The following THSD7A variants were observed in gnomAD, a reference collection of about 807,000 sequenced individuals.
THSD7A encodes the protein thrombospondin type-1 domain-containing protein 7A.
THSD7A carries 96 observed loss-of-function variants against 231.3 expected under a neutral mutation model. That is an observed-to-expected ratio of 0.41 (90% CI 0.35 to 0.49). THSD7A has a LOEUF of 0.49. Among genes scored for constraint, THSD7A ranks in the 20% least tolerant of loss-of-function variants. THSD7A has a pLI of 0.05. For synonymous variants in THSD7A, 940 were observed against 743.3 expected (o/e 1.26, Z -4.30); for missense variants, 2,290 against 2,070.2 (o/e 1.11, Z -2.06).
intron 1 of THSD7A, among the ~76,000 whole-genome samples, chr7:11,799,560 T>C (rs1298602159): frequency 6.6e-6 from 1 of 152,210 alleles, no homozygotes; most frequent in African/African-American, 2.4e-5. Context: ...AGAGTTTTCA[T>C]CAATCTTCTT....
At chr7:11,426,561 G>A in intron 15 of THSD7A, 105 bp downstream of exon 15, 1 of 1,259,540 alleles carries the variant, frequency 7.9e-7, no homozygotes, top group Non-Finnish European at 1.1e-6. Flanking sequence ...TTTTCTCCCT[G>A]TAAAACATAA....
At chr7:11,697,092 G>A (rs1780427354) in intron 1 of THSD7A, among the ~76,000 whole-genome samples, 1 of 151,390 alleles carries the variant, frequency 6.6e-6, no homozygotes, top group Non-Finnish European at 1.5e-5. Context: ...TTTCCCTAAT[G>A]TAAGATTTAT....
At chr7:11,516,993 A>C (rs1276352974) in intron 6 of THSD7A, among the ~76,000 whole-genome samples, 3 of 152,232 alleles carry the variant, frequency 2.0e-5, no homozygotes, top group Non-Finnish European at 4.4e-5. Flanking sequence ...CTATCAAAAT[A>C]ATTGTATATG....
intron 4 of THSD7A, among the ~76,000 whole-genome samples, chr7:11,544,339 G>A (rs2883564): frequency 0.15 from 22,558 of 150,902 alleles, 1,739 homozygotes; most frequent in Admixed American, 0.17. Context: ...AGACACAGTC[G>A]GAAAAAAAAA....
chr7:11,530,959 T>C (rs1300606197), intron 6 of THSD7A, among the ~76,000 whole-genome samples: 4 of 152,052 alleles, frequency 2.6e-5, no homozygotes, highest in African/African-American at 9.7e-5. Flanking sequence ...TGCAGTGAGC[T>C]GAGATCGTGC....
chr7:11,556,841 T>C (rs1789866325), intron 4 of THSD7A, among the ~76,000 whole-genome samples: 3 of 152,086 alleles, frequency 2.0e-5, no homozygotes, highest in Non-Finnish European at 4.4e-5. Flanking sequence ...CTCAAATTTC[T>C]TTTTCTTGTA....
chr7:11,424,459 TC>T (rs767198264), intron 16 of THSD7A, among the ~76,000 whole-genome samples: 9 of 152,368 alleles, frequency 5.9e-5, no homozygotes, highest in Non-Finnish European at 1.0e-4. Flanking sequence ...AATATGCTGT[TC>T]CTTCTCTTTA....
At chr7:11,479,339 C>G (rs1467974074) in intron 7 of THSD7A, among the ~76,000 whole-genome samples, 2 of 152,168 alleles carry the variant, frequency 1.3e-5, no homozygotes, top group Non-Finnish European at 2.9e-5. Context: ...TCCAGATCTA[C>G]TTTTCGCATG....
intron 1 of THSD7A, among the ~76,000 whole-genome samples, chr7:11,773,974 A>C (rs992939715): frequency 6.6e-6 from 1 of 152,208 alleles, no homozygotes. Context: ...AAATAACCCA[A>C]GTTTACCTAA....
At chr7:11,589,845 C>A (rs1780082113) in intron 4 of THSD7A, among the ~76,000 whole-genome samples, 1 of 151,888 alleles carries the variant, frequency 6.6e-6, no homozygotes, top group South Asian at 2.1e-4. Flanking sequence ...TTAGCTTGGG[C>A]CATTTTGTAT....
At position 11,407,427 on chromosome 7, in the gene THSD7A, G is replaced by A. The variant is rs749862195; in HGVS notation, c.3799-4C>T. ...GCCAGTTCTTCTCCAAGCCAAGCTG[G>A]AAGAACAGAGGTAGATCAGGATGTA... On this transcript the variant is annotated splice_region_variant and splice_polypyrimidine_tract_variant and intron_variant, in intron 19 of 27. Coordinates refer to ENST00000423059, the MANE Select transcript of THSD7A (RefSeq NM_015204.3). The A allele has an allele frequency of 1.7e-5, 27 of 1,607,658 alleles. No individual in the cohort carries two copies. Among genetic ancestry groups the A allele is most frequent in the Admixed American group, 3.4e-5 (2 of 59,646 alleles).
intron 4 of THSD7A, among the ~76,000 whole-genome samples, chr7:11,554,688 C>T (rs2128327337): frequency 6.6e-6 from 1 of 151,916 alleles, no homozygotes; most frequent in East Asian, 1.9e-4. Context: ...ATTCTACTTG[C>T]TAATATCTGT....
chr7:11,372,146 G>A lies in THSD7A; in HGVS notation c.*3648C>T, dbSNP rs1466381563. The stretch of plus-strand genomic sequence containing the variant: ...ACCACTGCCACCTACCTGAGGGTGG[G>A]GCAGGGAAAAATCAAACTCCTAATA... On this transcript the variant is annotated 3_prime_UTR_variant, in exon 28 of 28. Transcript: ENST00000423059. 2.0e-5 allele frequency: 3 copies of A among 151,420 alleles called. No homozygotes were observed. The allele number at this position is 151,420 out of a possible 1,614,324, so 9.4% of individuals were successfully genotyped here. A position where few individuals can be genotyped will look rare whatever the true frequency, so the allele number is the denominator to read the frequency against.
Position 11,668,371 on chromosome 7 carries a change from T to C in THSD7A, c.191-31410A>G, listed in dbSNP as rs149452548. Among the ~76,000 whole-genome samples, 113 of 150,936 alleles carry C rather than the reference T, an allele frequency of 7.5e-4. No homozygotes were observed. The East Asian group carries it at 0.018, about 24-fold the overall frequency. On this transcript the variant is annotated intron_variant, in intron 1 of 27. Coordinates refer to ENST00000423059, the MANE Select transcript of THSD7A (RefSeq NM_015204.3). ...AGGCGGAGGTTGCAGTGAGCCAAGA[T>C]CGTGCCATTGCACTCTGCCCTGGGC...
At position 11,706,188 on chromosome 7, in the gene THSD7A, CA is replaced by C. The variant is rs564415267; in HGVS notation, c.191-69228del. On this transcript the variant is annotated intron_variant, in intron 1 of 27. Coordinates refer to ENST00000423059, the MANE Select transcript of THSD7A (RefSeq NM_015204.3). ...ATACTTACATTAATATGTGCTGCTA[CA>C]AAGGCACCATTTTGTAGTTTGTACA... 3.3e-5 allele frequency among the ~76,000 whole-genome samples: 5 copies of C among 151,064 alleles called. No individual in the cohort carries two copies. In the South Asian group the frequency reaches 1.0e-3, roughly 31 times the overall value.
intron 6 of THSD7A, among the ~76,000 whole-genome samples, chr7:11,500,070 G>C (rs1024288474): frequency 4.6e-5 from 7 of 152,090 alleles, no homozygotes. Context: ...CAGCTAAAGA[G>C]TAAGAGAAGG....
intron 1 of THSD7A, among the ~76,000 whole-genome samples, chr7:11,805,389 A>G (rs914438680): frequency 6.6e-6 from 1 of 152,086 alleles, no homozygotes; most frequent in Non-Finnish European, 1.5e-5. Context: ...CTGTAATTCT[A>G]TATCTTGTTA....
At chr7:11,511,628 C>T (rs542420562) in intron 6 of THSD7A, among the ~76,000 whole-genome samples, 57 of 152,210 alleles carry the variant, frequency 3.7e-4, no homozygotes, top group African/African-American at 1.3e-3. Context: ...GAAATAATAC[C>T]ACACATCTAC....
At chr7:11,477,222 T>C (rs1250878359) in intron 7 of THSD7A, among the ~76,000 whole-genome samples, 1 of 152,188 alleles carries the variant, frequency 6.6e-6, no homozygotes, top group Admixed American at 6.6e-5. Flanking sequence ...GAACAGTTTT[T>C]CAATTGTTTC....
Sources: gnomAD v4.1 joint callset for allele counts (sites outside exome capture counted in the v4.1 genomes callset) on GRCh38, gnomAD v4.1.1 for gene constraint, MANE v1.5 for transcripts, NCBI Gene and HGNC (gene_info 2026-07-23, HGNC 2026-07-21) for gene names.